STXBP4: variants seen among roughly 807,000 people sequenced by gnomAD.
STXBP4 encodes the protein syntaxin binding protein 4.
STXBP4 carries 55 observed loss-of-function variants against 76.1 expected under a neutral mutation model. The ratio of observed to expected loss-of-function variants is 0.72; its 90% CI spans 0.58 to 0.91. The LOEUF is 0.91. Ranked by LOEUF, STXBP4 falls within the 40% of genes least tolerant of loss-of-function variation. The pLI is 0.00. For missense variants in STXBP4, 618 were observed against 636.9 expected, an observed-to-expected ratio of 0.97 and a Z score of 0.32; for synonymous variants, 201 against 220.2, an observed-to-expected ratio of 0.91 and a Z score of 0.77.
intron 10 of STXBP4, among the ~76,000 whole-genome samples, chr17:55,038,450 T>C (rs1480667753): frequency 6.6e-6 from 1 of 152,178 alleles, no homozygotes; most frequent in Non-Finnish European, 1.5e-5. Flanking sequence ...TTTGTCTGAC[T>C]CATAAGATCT....
chr17:55,104,624 G>A (rs1026083849), intron 16 of STXBP4, among the ~76,000 whole-genome samples: 2 of 152,130 alleles, frequency 1.3e-5, no homozygotes, highest in African/African-American at 2.4e-5. Flanking sequence ...TTTGGTATCA[G>A]GATGATGCTG....
intron 8 of STXBP4, among the ~76,000 whole-genome samples, chr17:55,019,648 C>T (rs907501003): frequency 5.3e-5 from 8 of 151,992 alleles, no homozygotes; most frequent in African/African-American, 1.9e-4. Flanking sequence ...GCATTTCTGA[C>T]GTTTTGGGTG....
chr17:55,090,700 T>C (rs1364680156), intron 16 of STXBP4, among the ~76,000 whole-genome samples: 5 of 152,168 alleles, frequency 3.3e-5, no homozygotes, highest in African/African-American at 4.8e-5. Flanking sequence ...AATATATGAT[T>C]GTGAAAAGGT....
chr17:55,155,493 A>G (rs1417861680), intron 17 of STXBP4, among the ~76,000 whole-genome samples: 2 of 149,348 alleles, frequency 1.3e-5, no homozygotes, highest in Non-Finnish European at 3.0e-5. Context: ...TATAAATACT[A>G]TATGCATACA....
At chr17:55,204,833 C>CAT in the STXBP4 span, among the ~76,000 whole-genome samples, 1,378 of 123,194 alleles carry the variant, frequency 0.011, 31 homozygotes, top group African/African-American at 0.036. Context: ...CACACACACA[C>CAT]ACACACACAC....
At chr17:55,203,676 A>G in the STXBP4 span, among the ~76,000 whole-genome samples, 1 of 152,174 alleles carries the variant, frequency 6.6e-6, no homozygotes. Context: ...TACCAATCAT[A>G]CACATCCTCT....
chr17:55,155,135 T>A (rs760984342), intron 17 of STXBP4, among the ~76,000 whole-genome samples: 8 of 152,154 alleles, frequency 5.3e-5, no homozygotes, highest in Non-Finnish European at 1.2e-4. Context: ...ACTCCTTATA[T>A]ACCAGTGGGA....
chr17:55,142,908 C>G (rs2080110363), intron 17 of STXBP4, among the ~76,000 whole-genome samples: 1 of 152,146 alleles, frequency 6.6e-6, no homozygotes, highest in Non-Finnish European at 1.5e-5. Context: ...AATCAGACCT[C>G]TTCTGGAAGG....
chr17:55,212,504 T>G, the STXBP4 span, among the ~76,000 whole-genome samples: 158 of 152,334 alleles, frequency 1.0e-3, no homozygotes, highest in African/African-American at 3.0e-3. Context: ...TTATTGTATT[T>G]ATAATATTTA....
At chr17:55,004,017 GA>G (rs879636295) in intron 7 of STXBP4, among the ~76,000 whole-genome samples, 84 of 142,554 alleles carry the variant, frequency 5.9e-4, no homozygotes, top group Middle Eastern at 7.3e-3. Flanking sequence ...ACTAAAAATA[GA>G]AAAAAAAAAA....
intron 16 of STXBP4, among the ~76,000 whole-genome samples, chr17:55,083,587 T>C (rs918760660): frequency 1.3e-5 from 2 of 152,162 alleles, no homozygotes; most frequent in African/African-American, 4.8e-5. Flanking sequence ...GCTAGGCAGC[T>C]CATGTTAGAG....
At chr17:55,123,379 C>T (rs1189570986) in intron 16 of STXBP4, among the ~76,000 whole-genome samples, 1 of 152,068 alleles carries the variant, frequency 6.6e-6, no homozygotes, top group South Asian at 2.1e-4. Flanking sequence ...TAATTGCATG[C>T]AGGTTTTTTT....
chr17:54,994,725 C>A (rs1464853273), intron 4 of STXBP4, among the ~76,000 whole-genome samples: 1 of 152,116 alleles, frequency 6.6e-6, no homozygotes, highest in East Asian at 1.9e-4. Flanking sequence ...TATAGTGTGG[C>A]TTCTGCCCTG....
At chr17:55,199,687 A>G in the STXBP4 span, among the ~76,000 whole-genome samples, 2,423 of 152,336 alleles carry the variant, frequency 0.016, 29 homozygotes, top group Middle Eastern at 0.044. Flanking sequence ...TCAGCAAAAT[A>G]ACTAGAATTC....
chr17:55,182,812 C>A, the STXBP4 span, among the ~76,000 whole-genome samples: 16,942 of 149,270 alleles, frequency 0.11, 1,388 homozygotes, highest in East Asian at 0.31. Flanking sequence ...ACAACAACAA[C>A]AAAAAACATT....
At chr17:55,092,789 G>A (rs1482982396) in intron 16 of STXBP4, among the ~76,000 whole-genome samples, 2 of 152,086 alleles carry the variant, frequency 1.3e-5, no homozygotes, top group Non-Finnish European at 2.9e-5. Context: ...ACATTTTAAA[G>A]GCCTTGATGG....
intron 16 of STXBP4, among the ~76,000 whole-genome samples, chr17:55,111,122 G>A (rs147910892): frequency 6.6e-6 from 1 of 152,260 alleles, no homozygotes; most frequent in Non-Finnish European, 1.5e-5. Context: ...TTCCTAACTT[G>A]TCACCCTACT....
chr17:55,183,948 AG>A, the STXBP4 span, among the ~76,000 whole-genome samples: 1 of 152,224 alleles, frequency 6.6e-6, no homozygotes, highest in East Asian at 1.9e-4. Context: ...AAAAATAATC[AG>A]AAAAAGTTAT....
At chr17:55,099,508 T>C (rs148140190) in intron 16 of STXBP4, among the ~76,000 whole-genome samples, 59 of 152,310 alleles carry the variant, frequency 3.9e-4, no homozygotes, top group African/African-American at 1.3e-3. Context: ...TATGCAATTA[T>C]AACATAATGC....
Sources: gnomAD v4.1 joint callset for allele counts (sites outside exome capture counted in the v4.1 genomes callset) on GRCh38, gnomAD v4.1.1 for gene constraint, MANE v1.5 for transcripts, NCBI Gene and HGNC (gene_info 2026-07-23, HGNC 2026-07-21) for gene names.